LDLRAD4: variants seen among roughly 807,000 people sequenced by gnomAD.
LDLRAD4 encodes low-density lipoprotein receptor class A domain-containing protein 4.
A neutral mutation model predicts 17.0 loss-of-function variants in LDLRAD4; 5 were observed. The ratio of observed to expected loss-of-function variants is 0.29; its 90% confidence interval spans 0.15 to 0.62. The LOEUF is 0.62. Ranked by LOEUF, LDLRAD4 falls within the 20% of genes least tolerant of loss-of-function variation. LDLRAD4 has a pLI of 0.84. For synonymous variants in LDLRAD4, 168 were observed against 171.8 expected, an observed-to-expected ratio of 0.98 and a Z score of 0.17; for missense variants, 340 against 424.7, an observed-to-expected ratio of 0.80 and a Z score of 1.75.
chr18:13,224,470 CTTTCTTTT>C (rs2041642279), intron 1 of LDLRAD4, among the ~76,000 whole-genome samples: 1 of 92,558 alleles, frequency 1.1e-5, no homozygotes, highest in Non-Finnish European at 2.2e-5. Context: ...TTCTTTCTTT[CTTTCTTTT>C]TTTTTTTTTT....
At chr18:13,437,039 G>A (rs1268755138) in intron 2 of LDLRAD4, among the ~76,000 whole-genome samples, 1 of 152,258 alleles carries the variant, frequency 6.6e-6, no homozygotes, top group Non-Finnish European at 1.5e-5. Flanking sequence ...GCCGCTGAGA[G>A]GCAGGCTGGG....
At chr18:13,459,381 T>G in intron 3 of LDLRAD4, among the ~76,000 whole-genome samples, 1 of 149,712 alleles carries the variant, frequency 6.7e-6, no homozygotes, top group East Asian at 2.0e-4. Context: ...GTTTTTTTTT[T>G]CTTTTTGTTT....
chr18:13,598,348 T>C (rs1006533640), intron 3 of LDLRAD4, among the ~76,000 whole-genome samples: 1 of 152,222 alleles, frequency 6.6e-6, no homozygotes, highest in Non-Finnish European at 1.5e-5. Flanking sequence ...TTTCTTTGCT[T>C]CATATTTCTG....
chr18:13,544,041 A>G (rs1013741116), intron 3 of LDLRAD4, among the ~76,000 whole-genome samples: 3 of 152,252 alleles, frequency 2.0e-5, no homozygotes, highest in South Asian at 2.1e-4. Context: ...CAGTGTGCAC[A>G]CAGGGTGAGG....
intron 1 of LDLRAD4, among the ~76,000 whole-genome samples, chr18:13,271,536 T>G (rs1318157019): frequency 1.3e-5 from 2 of 152,190 alleles, no homozygotes; most frequent in African/African-American, 2.4e-5. Context: ...AGGCCTCTTC[T>G]CAGTGTTCTT....
chr18:13,445,247 CTG>C (rs768943125), intron 3 of LDLRAD4, among the ~76,000 whole-genome samples: 1 of 152,096 alleles, frequency 6.6e-6, no homozygotes, highest in African/African-American at 2.4e-5. Flanking sequence ...AGGTGTGAGT[CTG>C]TGTGTGTATG....
intron 1 of LDLRAD4, among the ~76,000 whole-genome samples, chr18:13,373,991 A>C (rs2084705596): frequency 6.6e-6 from 1 of 151,858 alleles, no homozygotes; most frequent in Non-Finnish European, 1.5e-5. Context: ...ACATATTTCC[A>C]CCATGCAAAC....
At chr18:13,578,827 C>CT (rs1003295658) in intron 3 of LDLRAD4, among the ~76,000 whole-genome samples, 1,875 of 65,522 alleles carry the variant, frequency 0.029, 528 homozygotes, top group African/African-American at 0.076. Context: ...TTGTCCGGGT[C>CT]TTTTTTTTTT....
At chr18:13,650,708 A>C (rs553372212) in exon 6 of LDLRAD4, 9 of 203,982 alleles carry the variant, frequency 4.4e-5, no homozygotes, top group African/African-American at 1.8e-4. Flanking sequence ...AAAAGTTGTT[A>C]ATACTGTAAT....
At chr18:13,543,978 G>C (rs1004198292) in intron 3 of LDLRAD4, among the ~76,000 whole-genome samples, 1 of 152,246 alleles carries the variant, frequency 6.6e-6, no homozygotes, top group Non-Finnish European at 1.5e-5. Context: ...GGCCTGCCCC[G>C]AACGTGCAGG....
In LDLRAD4 at chr18:13,534,560, AAAAG is replaced by A. The variant is rs375185876; in HGVS notation, c.182-86552_182-86549del. Among the ~76,000 whole-genome samples, 51 of 152,342 alleles carry A rather than the reference AAAAG, an allele frequency of 3.3e-4. No homozygotes were observed. In the East Asian group the frequency reaches 4.6e-3, roughly 14 times the overall value. On this transcript the variant is annotated intron_variant, in intron 3 of 5. Transcript: ENST00000359446. ...GACCCTGTTGCTAAAAAGAAAAAAAAAAAGAAAGTCAAAATAAACACATAGAAGA... is the reference window on the plus strand; with the variant it reads ...GACCCTGTTGCTAAAAAGAAAAAAAAAAAGTCAAAATAAACACATAGAAGA...
At chr18:13,344,133 T>C (rs2082541147) in intron 1 of LDLRAD4, among the ~76,000 whole-genome samples, 1 of 152,222 alleles carries the variant, frequency 6.6e-6, no homozygotes, top group African/African-American at 2.4e-5. Flanking sequence ...TTGCTTTTGG[T>C]GTTTTAAACA....
At chr18:13,475,371 T>A (rs538334214) in intron 3 of LDLRAD4, among the ~76,000 whole-genome samples, 1 of 151,880 alleles carries the variant, frequency 6.6e-6, no homozygotes, top group East Asian at 1.9e-4. Context: ...CAGGAATCCT[T>A]GTGGCTCAGC....
intron 3 of LDLRAD4, among the ~76,000 whole-genome samples, chr18:13,556,799 T>G (rs1043568287): frequency 1.3e-5 from 2 of 152,212 alleles, no homozygotes; most frequent in African/African-American, 2.4e-5. Flanking sequence ...AAACGTGATT[T>G]ATAACTGCTG....
chr18:13,362,228 T>G (rs1568050933), intron 1 of LDLRAD4: 1 of 152,242 alleles, frequency 6.6e-6, no homozygotes. Flanking sequence ...GTTGGATGGC[T>G]ATTCTAGTCT....
chr18:13,256,495 G>T (rs1241992425), intron 1 of LDLRAD4, among the ~76,000 whole-genome samples: 1 of 152,170 alleles, frequency 6.6e-6, no homozygotes, highest in Admixed American at 6.5e-5. Context: ...CTTAAAGTTT[G>T]GGAAATACTG....
chr18:13,247,191 C>T (rs113570563), intron 1 of LDLRAD4, among the ~76,000 whole-genome samples: 24 of 152,268 alleles, frequency 1.6e-4, no homozygotes, highest in African/African-American at 5.5e-4. Context: ...TGTATGCCTC[C>T]CCTTTCTGTC....
chr18:13,274,283 G>A (rs556668799), upstream of LDLRAD4, among the ~76,000 whole-genome samples: 114 of 152,300 alleles, frequency 7.5e-4, no homozygotes, highest in African/African-American at 2.6e-3. Context: ...GGGGCATCAG[G>A]TCTGTCTTTG....
At chr18:13,448,244 G>T (rs541544898) in intron 3 of LDLRAD4, among the ~76,000 whole-genome samples, 1 of 152,166 alleles carries the variant, frequency 6.6e-6, no homozygotes, top group Admixed American at 6.5e-5. Context: ...TGCAGCCCGC[G>T]GGGTGACCTG....
Sources: gnomAD v4.1 joint callset for allele counts (sites outside exome capture counted in the v4.1 genomes callset) on GRCh38, gnomAD v4.1.1 for gene constraint, MANE v1.5 for transcripts, NCBI Gene and HGNC (gene_info 2026-07-23, HGNC 2026-07-21) for gene names.